CATSPERT: variants seen among roughly 807,000 people sequenced by gnomAD.
The protein encoded by CATSPERT is catsper channel auxiliary subunit tau.
the CATSPERT span, chr2:201,537,618 A>G: frequency 1.7e-6 from 1 of 604,652 alleles, no homozygotes; most frequent in Non-Finnish European, 2.8e-6. Flanking sequence ...ATCCAAACAT[A>G]AACACTACTT....
the CATSPERT span, among the ~76,000 whole-genome samples, chr2:201,571,772 G>A: frequency 6.6e-6 from 1 of 152,064 alleles, no homozygotes; most frequent in East Asian, 1.9e-4. Context: ...ATTTCTCCCT[G>A]TTATTAAGCA....
the CATSPERT span, among the ~76,000 whole-genome samples, chr2:201,489,042 T>A: frequency 6.6e-6 from 1 of 152,188 alleles, no homozygotes; most frequent in East Asian, 1.9e-4. Flanking sequence ...TTCTAGGTGC[T>A]CCTACGACTC....
the CATSPERT span, among the ~76,000 whole-genome samples, chr2:201,606,720 G>A: frequency 4.6e-5 from 7 of 152,006 alleles, no homozygotes; most frequent in African/African-American, 4.8e-5. Flanking sequence ...CCAACATGGC[G>A]AAAACCCACC....
the CATSPERT span, among the ~76,000 whole-genome samples, chr2:201,490,392 A>C: frequency 6.6e-6 from 1 of 152,168 alleles, no homozygotes; most frequent in Non-Finnish European, 1.5e-5. Flanking sequence ...AAAACCTCTA[A>C]TAGTTGTAGT....
At chr2:201,558,099 C>A in the CATSPERT span, 1 of 152,330 alleles carries the variant, frequency 6.6e-6, no homozygotes, top group Admixed American at 6.5e-5. Context: ...TCGCCACCTC[C>A]CTAGCAACTG....
chr2:201,559,908 A>G, the CATSPERT span, among the ~76,000 whole-genome samples: 2 of 152,232 alleles, frequency 1.3e-5, no homozygotes, highest in Non-Finnish European at 2.9e-5. Context: ...AATAAAAACA[A>G]TAATTCTCCA....
At chr2:201,575,050 A>AAAGAAG in the CATSPERT span, among the ~76,000 whole-genome samples, 1 of 104,586 alleles carries the variant, frequency 9.6e-6, no homozygotes, top group African/African-American at 3.0e-5. Flanking sequence ...AAAAAAAAAA[A>AAAGAAG]AAGAAGAAGA....
chr2:201,597,781 C>T, the CATSPERT span, among the ~76,000 whole-genome samples: 1 of 152,104 alleles, frequency 6.6e-6, no homozygotes, highest in African/African-American at 2.4e-5. Context: ...TGGCCAGAAC[C>T]AGAAATCCAC....
At chr2:201,535,411 T>C in the CATSPERT span, 1,785 of 975,572 alleles carry the variant, frequency 1.8e-3, 5 homozygotes, top group Admixed American at 2.3e-3. Context: ...AGAAAGTCTA[T>C]TATTTGGTGT....
the CATSPERT span, among the ~76,000 whole-genome samples, chr2:201,503,220 T>C: frequency 5.3e-5 from 8 of 152,324 alleles, no homozygotes; most frequent in African/African-American, 1.9e-4. Context: ...TCATATTTTA[T>C]TGCTTTTTTA....
chr2:201,518,899 G>C, the CATSPERT span, among the ~76,000 whole-genome samples: 1 of 152,160 alleles, frequency 6.6e-6, no homozygotes, highest in Non-Finnish European at 1.5e-5. Flanking sequence ...AAGGGGACAT[G>C]GAGACAGGCA....
At chr2:201,514,585 G>A in the CATSPERT span, among the ~76,000 whole-genome samples, 2 of 152,092 alleles carry the variant, frequency 1.3e-5, no homozygotes, top group African/African-American at 4.8e-5. Flanking sequence ...CAAACATAAT[G>A]GTGTAGTGAT....
the CATSPERT span, among the ~76,000 whole-genome samples, chr2:201,524,201 A>G: frequency 6.6e-6 from 1 of 152,196 alleles, no homozygotes; most frequent in South Asian, 2.1e-4. Context: ...AAAAGAAAAA[A>G]TATTAAAGGT....
At chr2:201,545,545 A>G in the CATSPERT span, 1 of 1,473,880 alleles carries the variant, frequency 6.8e-7, no homozygotes, top group Non-Finnish European at 9.0e-7. Context: ...TTTCTTACCT[A>G]CTCCTACAAT....
the CATSPERT span, chr2:201,571,946 G>C: frequency 1.2e-6 from 2 of 1,612,642 alleles, no homozygotes; most frequent in Non-Finnish European, 1.7e-6. Context: ...CTTACGTCAC[G>C]GGATCTGTTC....
At chr2:201,574,821 AG>A in the CATSPERT span, among the ~76,000 whole-genome samples, 1 of 152,300 alleles carries the variant, frequency 6.6e-6, no homozygotes, top group Non-Finnish European at 1.5e-5. Flanking sequence ...CTCTCTGAAT[AG>A]AAAGATCAAT....
the CATSPERT span, among the ~76,000 whole-genome samples, chr2:201,541,929 AC>A: frequency 6.6e-6 from 1 of 151,784 alleles, no homozygotes. Context: ...TTGCTCTGCC[AC>A]CCAGGCCGAA....
At chr2:201,605,171 G>A in the CATSPERT span, among the ~76,000 whole-genome samples, 5 of 151,934 alleles carry the variant, frequency 3.3e-5, no homozygotes, top group Admixed American at 1.3e-4. Context: ...AGCAAGGAAA[G>A]AGAAATCTTA....
chr2:201,490,913 CG>C, the CATSPERT span, among the ~76,000 whole-genome samples: 6 of 151,956 alleles, frequency 3.9e-5, no homozygotes, highest in South Asian at 2.1e-4. Context: ...TTAGTAGAAA[CG>C]GGGTTTCACC....
Sources: gnomAD v4.1 joint callset for allele counts (sites outside exome capture counted in the v4.1 genomes callset) on GRCh38, gnomAD v4.1.1 for gene constraint, MANE v1.5 for transcripts, NCBI Gene and HGNC (gene_info 2026-07-23, HGNC 2026-07-21) for gene names.